Variants in MCTP1 observed in about 807,000 individuals in gnomAD.
MCTP1 encodes multiple C2 and transmembrane domain containing 1, also known as multiple C2 and transmembrane domain-containing protein 1.
In MCTP1, 69 loss-of-function variants were observed where a neutral mutation model predicts 120.6. That is an observed-to-expected ratio of 0.57 (90% CI 0.47 to 0.70). The LOEUF (loss-of-function observed/expected upper bound fraction) is 0.70, where lower values mean the gene tolerates loss of function less well. MCTP1 is among the 30% of genes least tolerant of loss of function. The pLI is 0.00. For synonymous variants in MCTP1, 529 were observed against 493.1 expected (o/e 1.07, Z -0.96); for missense variants, 1,203 against 1,248.8 (o/e 0.96, Z 0.55).
At chr5:95,055,571 T>C (rs1747166016) in intron 1 of MCTP1, among the ~76,000 whole-genome samples, 1 of 152,214 alleles carries the variant, frequency 6.6e-6, no homozygotes, top group Admixed American at 6.5e-5. Flanking sequence ...ATTAGTAAGT[T>C]TGTGCTTCAG....
intron 2 of MCTP1, among the ~76,000 whole-genome samples, chr5:94,960,618 A>C (rs1269145173): frequency 6.6e-6 from 1 of 152,338 alleles, no homozygotes; most frequent in East Asian, 1.9e-4. Context: ...ATATGAACAG[A>C]TACTTTTCAA....
intron 1 of MCTP1, among the ~76,000 whole-genome samples, chr5:95,065,418 C>T (rs1013739120): frequency 1.3e-5 from 2 of 151,766 alleles, no homozygotes; most frequent in Non-Finnish European, 2.9e-5. Flanking sequence ...AACAGTATGA[C>T]CAATATGGGT....
At chr5:95,064,466 A>T (rs1750077506) in intron 1 of MCTP1, among the ~76,000 whole-genome samples, 1 of 152,256 alleles carries the variant, frequency 6.6e-6, no homozygotes, top group African/African-American at 2.4e-5. Flanking sequence ...ACCCAATTTT[A>T]GTAACCCTTA....
intron 1 of MCTP1, among the ~76,000 whole-genome samples, chr5:95,096,894 T>A (rs1756310499): frequency 6.6e-6 from 1 of 152,206 alleles, no homozygotes; most frequent in Admixed American, 6.5e-5. Context: ...ATATATTATA[T>A]ATCACATTGT....
intron 1 of MCTP1, chr5:95,166,301 A>C (rs162474): frequency 0.3 from 45,007 of 151,998 alleles, 7,115 homozygotes; most frequent in East Asian, 0.59. Context: ...TGAGTTCTCC[A>C]ATCAAGGGAG....
chr5:95,081,420 A>G (rs745868145), intron 1 of MCTP1: 4 of 1,610,696 alleles, frequency 2.5e-6, no homozygotes, highest in Non-Finnish European at 2.5e-6. Flanking sequence ...CCAAAATGTT[A>G]CTTACCTTAT....
At chr5:95,044,554 TTTC>T (rs761354070) in intron 1 of MCTP1, among the ~76,000 whole-genome samples, 29 of 152,152 alleles carry the variant, frequency 1.9e-4, no homozygotes, top group Admixed American at 8.5e-4. Flanking sequence ...TTACTTGACC[TTTC>T]TACTTGGATG....
At position 94,707,474 on chromosome 5, in the gene MCTP1, T is replaced by G. The variant is rs181570805; in HGVS notation, c.*22A>C. 2.0e-4 allele frequency: 314 copies of G among 1,573,952 alleles called. No homozygotes were observed. Among genetic ancestry groups the G allele is most frequent in the Admixed American group, 3.4e-4 (20 of 58,940 alleles). ...TTTTATCTTCCCAAACAGATGCTGG[T>G]CTCCTCAGTGCTGGGAGCTGGCTAG... On this transcript the variant is annotated 3_prime_UTR_variant, in exon 23 of 23. Transcript: ENST00000515393.
At chr5:94,772,123 T>A (rs1774227714) in intron 19 of MCTP1, among the ~76,000 whole-genome samples, 1 of 152,156 alleles carries the variant, frequency 6.6e-6, no homozygotes, top group Non-Finnish European at 1.5e-5. Context: ...TTTCTTGGTC[T>A]TTAGGTCCTT....
At chr5:95,148,752 GT>G (rs372182874) in intron 1 of MCTP1, among the ~76,000 whole-genome samples, 1,747 of 151,162 alleles carry the variant, frequency 0.012, 33 homozygotes, top group African/African-American at 0.039. Flanking sequence ...AGGGGACTCT[GT>G]TTTTTTTTAA....
At chr5:95,006,622 A>T (rs1017676293) in intron 2 of MCTP1, among the ~76,000 whole-genome samples, 1 of 152,180 alleles carries the variant, frequency 6.6e-6, no homozygotes, top group Non-Finnish European at 1.5e-5. Flanking sequence ...CAAAAACACA[A>T]CATGACAGGC....
chr5:95,189,706 G>A (rs1409946522), intron 1 of MCTP1, among the ~76,000 whole-genome samples: 1 of 152,098 alleles, frequency 6.6e-6, no homozygotes, highest in Admixed American at 6.5e-5. Flanking sequence ...GAGGGTGTGA[G>A]GAATGAGAAA....
At chr5:94,862,177 C>T (rs1795934408) in intron 17 of MCTP1, among the ~76,000 whole-genome samples, 1 of 151,764 alleles carries the variant, frequency 6.6e-6, no homozygotes, top group South Asian at 2.1e-4. Context: ...TACTACTTTC[C>T]ACGTTACAGG....
chr5:95,125,555 A>G (rs562402668), intron 1 of MCTP1, among the ~76,000 whole-genome samples: 1 of 152,180 alleles, frequency 6.6e-6, no homozygotes, highest in Non-Finnish European at 1.5e-5. Flanking sequence ...AGTATTCTCC[A>G]TCCCCACACA....
intron 17 of MCTP1, among the ~76,000 whole-genome samples, chr5:94,816,142 T>C (rs1474302544): frequency 6.6e-6 from 1 of 152,178 alleles, no homozygotes; most frequent in East Asian, 1.9e-4. Flanking sequence ...TCAGCTGAAA[T>C]GTTTTAGTGT....
At chr5:94,713,658 CG>C (rs1757926924) in intron 20 of MCTP1, among the ~76,000 whole-genome samples, 1 of 152,020 alleles carries the variant, frequency 6.6e-6, no homozygotes, top group South Asian at 2.1e-4. Context: ...AGAAAAGATA[CG>C]GGAATAGTCT....
chr5:95,137,201 G>C (rs957502821), intron 1 of MCTP1, among the ~76,000 whole-genome samples: 8 of 152,194 alleles, frequency 5.3e-5, no homozygotes, highest in Non-Finnish European at 8.8e-5. Flanking sequence ...CTCACTAGAG[G>C]AGGCAGGAAG....
chr5:94,720,156 A>C (rs1428259632), intron 19 of MCTP1, among the ~76,000 whole-genome samples: 3 of 151,852 alleles, frequency 2.0e-5, no homozygotes, highest in African/African-American at 7.2e-5. Context: ...AATAAAATAA[A>C]AATTTTAAAA....
intron 1 of MCTP1, among the ~76,000 whole-genome samples, chr5:95,194,109 G>T (rs569198623): frequency 6.6e-6 from 1 of 152,084 alleles, no homozygotes; most frequent in Non-Finnish European, 1.5e-5. Flanking sequence ...CTAACTCCTC[G>T]GGAGGTTGAG....
Sources: gnomAD v4.1 joint callset for allele counts (sites outside exome capture counted in the v4.1 genomes callset) on GRCh38, gnomAD v4.1.1 for gene constraint, MANE v1.5 for transcripts, NCBI Gene and HGNC (gene_info 2026-07-23, HGNC 2026-07-21) for gene names.